FMN1: variants seen among roughly 807,000 people sequenced by gnomAD.
The protein encoded by FMN1 is formin 1, also known as formin-1.
Under a neutral mutation model 132.4 loss-of-function variants are expected in FMN1, and 110 were observed. The ratio of observed to expected loss-of-function variants is 0.83; its 90% CI spans 0.71 to 0.97. The LOEUF (loss-of-function observed/expected upper bound fraction) is 0.97, where lower values mean the gene tolerates loss of function less well. Ranked by LOEUF, FMN1 falls within the 50% of genes least tolerant of loss-of-function variation. The pLI is 0.00. For synonymous variants in FMN1, 722 were observed against 651.7 expected (o/e 1.11, Z -1.64); for missense variants, 1,792 against 1,705.3 (o/e 1.05, Z -0.90).
chr15:32,782,228 T>G (rs1426301153), intron 19 of FMN1, among the ~76,000 whole-genome samples: 2 of 152,218 alleles, frequency 1.3e-5, no homozygotes, highest in African/African-American at 2.4e-5. Flanking sequence ...TTGGGACCTC[T>G]CCTTGTTCCT....
rs1473647100 is a variant in FMN1, at chr15:32,858,624, C to A, written c.3836-1517G>T. Among the ~76,000 whole-genome samples the A allele has an allele frequency of 2.0e-5, 3 of 152,146 alleles. No homozygotes were observed. The East Asian group carries it at 5.8e-4, about 29-fold the overall frequency. On this transcript the variant is annotated intron_variant, in intron 16 of 20. Coordinates refer to ENST00000616417, the MANE Select transcript of FMN1 (RefSeq NM_001277313.2). ...GCTATTAGCTATTCTGACAACCATT[C>A]CAAGGCTATCTAGGAAATCCTGTCC... is the stretch of plus-strand genomic sequence containing the variant.
At chr15:32,970,290 T>C (rs1373105208) in intron 7 of FMN1, among the ~76,000 whole-genome samples, 1 of 152,234 alleles carries the variant, frequency 6.6e-6, no homozygotes, top group East Asian at 1.9e-4. Context: ...CTATTCATCC[T>C]ATTACAGTTA....
intron 9 of FMN1, among the ~76,000 whole-genome samples, chr15:32,943,720 A>G (rs1357388576): frequency 2.0e-5 from 3 of 152,218 alleles, no homozygotes; most frequent in Admixed American, 6.5e-5. Flanking sequence ...TATAGGGTCT[A>G]AACTTTAGCT....
intron 4 of FMN1, among the ~76,000 whole-genome samples, chr15:33,140,725 T>C (rs1305553715): frequency 6.6e-6 from 1 of 152,184 alleles, no homozygotes; most frequent in Admixed American, 6.5e-5. Flanking sequence ...AAATGACATG[T>C]GTGCTAGGTC....
At chr15:33,110,525 A>T (rs1309431842) in intron 4 of FMN1, among the ~76,000 whole-genome samples, 2 of 152,070 alleles carry the variant, frequency 1.3e-5, no homozygotes, top group Non-Finnish European at 2.9e-5. Flanking sequence ...GTTTTGTAAC[A>T]AAAAGGTAAA....
chr15:33,087,832 CATATACAT>C (rs1207085775), intron 5 of FMN1, among the ~76,000 whole-genome samples: 4 of 149,332 alleles, frequency 2.7e-5, no homozygotes, highest in Non-Finnish European at 5.9e-5. Context: ...TACATATATA[CATATACAT>C]ACACACACAT....
At chr15:33,011,712 C>A (rs1453365971) in intron 6 of FMN1, among the ~76,000 whole-genome samples, 1 of 146,548 alleles carries the variant, frequency 6.8e-6, no homozygotes, top group Non-Finnish European at 1.5e-5. Context: ...CACCATCAAT[C>A]AAGATCTAGT....
intron 7 of FMN1, among the ~76,000 whole-genome samples, chr15:32,985,256 C>T (rs1482454970): frequency 6.6e-6 from 1 of 152,142 alleles, no homozygotes; most frequent in East Asian, 1.9e-4. Context: ...GAACTCTGCA[C>T]AGCTTATCTT....
chr15:33,069,994 T>TCTC (rs1555393425), intron 5 of FMN1, among the ~76,000 whole-genome samples: 16 of 32,560 alleles, frequency 4.9e-4, no homozygotes, highest in South Asian at 9.6e-4. Flanking sequence ...AGTCTTTCTC[T>TCTC]TTTTTTTTTT....
intron 16 of FMN1, among the ~76,000 whole-genome samples, chr15:32,858,337 T>C (rs7179708): frequency 0.017 from 2,532 of 152,336 alleles, 69 homozygotes; most frequent in African/African-American, 0.058. Context: ...CTGACACTTT[T>C]CATTTGCAAT....
intron 18 of FMN1, among the ~76,000 whole-genome samples, chr15:32,799,199 T>C (rs2339156): frequency 0.35 from 53,270 of 152,008 alleles, 9,834 homozygotes; most frequent in Middle Eastern, 0.44. Flanking sequence ...AAAATCAGCA[T>C]GTATAATTTC....
intron 5 of FMN1, among the ~76,000 whole-genome samples, chr15:33,084,629 TTTTG>T (rs147141119): frequency 0.018 from 2,750 of 151,826 alleles, 79 homozygotes; most frequent in African/African-American, 0.064. Context: ...GTAAAGGAGG[TTTTG>T]TTTGTTTGTT....
chr15:32,950,022 T>TATATATATACAC (rs1555503211), intron 9 of FMN1, among the ~76,000 whole-genome samples: 2 of 3,360 alleles, frequency 6.0e-4, no homozygotes, highest in Non-Finnish European at 9.8e-4. Flanking sequence ...TATACACATA[T>TATATATATACAC]ATATATATAT....
chr15:32,852,602 A>G (rs1402574383), intron 17 of FMN1, among the ~76,000 whole-genome samples: 2 of 152,178 alleles, frequency 1.3e-5, no homozygotes, highest in East Asian at 1.9e-4. Context: ...CCTGGCCTCA[A>G]GTGATCCTCC....
At chr15:32,851,778 A>C (rs1272319133) in intron 17 of FMN1, among the ~76,000 whole-genome samples, 1 of 152,240 alleles carries the variant, frequency 6.6e-6, no homozygotes, top group African/African-American at 2.4e-5. Context: ...GTGTGGCAAC[A>C]GGATATGATT....
intron 9 of FMN1, among the ~76,000 whole-genome samples, chr15:32,943,550 T>C (rs1190953165): frequency 6.6e-6 from 1 of 152,206 alleles, no homozygotes; most frequent in Non-Finnish European, 1.5e-5. Flanking sequence ...ACCTTCATAA[T>C]GACTGTTATG....
intron 6 of FMN1, among the ~76,000 whole-genome samples, chr15:33,028,530 A>C (rs959638797): frequency 2.0e-5 from 3 of 151,164 alleles, no homozygotes; most frequent in Non-Finnish European, 4.4e-5. Context: ...TAAAAATAAA[A>C]ATAAAAATAA....
intron 10 of FMN1, among the ~76,000 whole-genome samples, chr15:32,913,477 T>TACC (rs1473785968): frequency 6.6e-6 from 1 of 152,150 alleles, no homozygotes; most frequent in Non-Finnish European, 1.5e-5. Context: ...ACTCATCTCC[T>TACC]ACCATGTTCT....
At chr15:32,839,308 C>T (rs1472369010) in intron 17 of FMN1, among the ~76,000 whole-genome samples, 1 of 152,116 alleles carries the variant, frequency 6.6e-6, no homozygotes, top group Non-Finnish European at 1.5e-5. Context: ...AACCACGGAG[C>T]GTCAGCACCA....
Sources: gnomAD v4.1 joint callset for allele counts (sites outside exome capture counted in the v4.1 genomes callset) on GRCh38, gnomAD v4.1.1 for gene constraint, MANE v1.5 for transcripts, NCBI Gene and HGNC (gene_info 2026-07-23, HGNC 2026-07-21) for gene names.